MICU1: variants seen among roughly 807,000 people sequenced by gnomAD.
The protein encoded by MICU1 is calcium uptake protein 1, mitochondrial.
A neutral mutation model predicts 56.8 loss-of-function variants in MICU1; 45 were observed. The observed-to-expected ratio is 0.79, with a 90% CI of 0.62 to 1.02. MICU1 has a LOEUF of 1.02. MICU1 is among the 50% of genes least tolerant of loss of function. MICU1 has a pLI of 0.00. For missense variants in MICU1, 504 were observed against 587.1 expected (o/e 0.86, Z 1.46); for synonymous variants, 186 against 195.1 (o/e 0.95, Z 0.39).
At chr10:72,398,835 T>C (rs11000286) in intron 10 of MICU1, among the ~76,000 whole-genome samples, 64,769 of 152,012 alleles carry the variant, frequency 0.43, 17,364 homozygotes, top group Non-Finnish European at 0.62. Flanking sequence ...CAGGACCAGA[T>C]GGATTCACAG....
chr10:72,403,397 T>G (rs913189589), intron 10 of MICU1, among the ~76,000 whole-genome samples: 2 of 152,194 alleles, frequency 1.3e-5, no homozygotes, highest in South Asian at 4.1e-4. Flanking sequence ...TTAAATTTTT[T>G]GTAGAGACAA....
chr10:72,525,843 T>C (rs986143157), intron 5 of MICU1, among the ~76,000 whole-genome samples: 3 of 152,164 alleles, frequency 2.0e-5, no homozygotes, highest in African/African-American at 7.2e-5. Context: ...AGGTTACCCA[T>C]CAGTTATGTG....
chr10:72,370,032 A>G (rs1382389336), intron 11 of MICU1, among the ~76,000 whole-genome samples: 1 of 152,038 alleles, frequency 6.6e-6, no homozygotes, highest in Non-Finnish European at 1.5e-5. Context: ...ACCCGCCATC[A>G]TGCCCAGCTA....
At chr10:72,595,985 CTT>C (rs1220444933) in intron 1 of MICU1, among the ~76,000 whole-genome samples, 6 of 119,248 alleles carry the variant, frequency 5.0e-5, no homozygotes, top group Admixed American at 1.7e-4. Context: ...AAATTTTTTT[CTT>C]TTTTTTTTTT....
At chr10:72,555,644 G>A (rs955700692) in intron 3 of MICU1, among the ~76,000 whole-genome samples, 6 of 152,204 alleles carry the variant, frequency 3.9e-5, no homozygotes, top group Admixed American at 3.3e-4. Flanking sequence ...GATGGTTCAA[G>A]AGGAGTTACA....
chr10:72,524,864 A>G, intron 5 of MICU1: 1 of 576,368 alleles, frequency 1.7e-6, no homozygotes, highest in Non-Finnish European at 2.6e-6. Flanking sequence ...ACCTGTAATA[A>G]TATCACTGAA....
At chr10:72,441,071 A>G (rs1449923626) in intron 8 of MICU1, among the ~76,000 whole-genome samples, 1 of 152,206 alleles carries the variant, frequency 6.6e-6, no homozygotes, top group African/African-American at 2.4e-5. Context: ...AAGGATTATA[A>G]ATCATGCTAC....
At chr10:72,456,946 G>GGTGTGTGTGTGTGT (rs71018292) in intron 8 of MICU1, among the ~76,000 whole-genome samples, 88 of 117,790 alleles carry the variant, frequency 7.5e-4, no homozygotes, top group African/African-American at 2.7e-3. Flanking sequence ...ATATTGCCCA[G>GGTGTGTGTGTGTGT]GTGTGTGTGT....
At chr10:72,604,409 G>A (rs1371229761) in intron 1 of MICU1, among the ~76,000 whole-genome samples, 3 of 151,832 alleles carry the variant, frequency 2.0e-5, no homozygotes, top group African/African-American at 7.3e-5. Flanking sequence ...GAGTAGCTGG[G>A]ATTACAGGTA....
chr10:72,476,291 C>T (rs1253080179), intron 7 of MICU1, among the ~76,000 whole-genome samples: 7 of 151,000 alleles, frequency 4.6e-5, no homozygotes, highest in East Asian at 2.0e-4. Flanking sequence ...TGCAATGGCA[C>T]GATCATAGCT....
intron 8 of MICU1, among the ~76,000 whole-genome samples, chr10:72,449,096 C>T (rs1865213378): frequency 1.3e-5 from 2 of 152,128 alleles, no homozygotes; most frequent in African/African-American, 4.8e-5. Context: ...CCATGACCAG[C>T]TAATTTAAAA....
chr10:72,527,521 C>G (rs1868000008), intron 5 of MICU1, among the ~76,000 whole-genome samples: 1 of 152,098 alleles, frequency 6.6e-6, no homozygotes, highest in Non-Finnish European at 1.5e-5. Flanking sequence ...CATCACCACA[C>G]CTGGCAACCT....
At chr10:72,537,090 C>G (rs932754266) in intron 4 of MICU1, among the ~76,000 whole-genome samples, 1 of 152,140 alleles carries the variant, frequency 6.6e-6, no homozygotes. Context: ...CATGGGAGGA[C>G]AACCTGGCAC....
At chr10:72,475,455 G>A (rs1159215939) in intron 7 of MICU1, among the ~76,000 whole-genome samples, 158 bp from the exon 8 acceptor site, 3 of 149,176 alleles carry the variant, frequency 2.0e-5, no homozygotes, top group Admixed American at 6.6e-5. Flanking sequence ...TTGAGACAGA[G>A]TCTCTCTCTG....
intron 8 of MICU1, among the ~76,000 whole-genome samples, chr10:72,458,557 G>A (rs570629791): frequency 6.6e-6 from 1 of 152,240 alleles, no homozygotes; most frequent in Non-Finnish European, 1.5e-5. Context: ...GCAATTTTCT[G>A]GAAGGCTTTC....
At chr10:72,578,417 C>A (rs955156979) in intron 1 of MICU1, among the ~76,000 whole-genome samples, 11 of 120,616 alleles carry the variant, frequency 9.1e-5, no homozygotes, top group Admixed American at 1.7e-4. Flanking sequence ...GCCACCATGC[C>A]TGGCTTTTTT....
chr10:72,578,421 C>CTTTTTT (rs34573464), intron 1 of MICU1, among the ~76,000 whole-genome samples: 1 of 134,708 alleles, frequency 7.4e-6, no homozygotes, highest in Non-Finnish European at 1.6e-5. Flanking sequence ...CCATGCCTGG[C>CTTTTTT]TTTTTTTTTT....
In MICU1 at chr10:72,587,702, T is replaced by C. The variant is rs1841102360; in HGVS notation, c.-1-20908A>G. ...GGGTGTCTGAGGCATGAGAATGGCT[T>C]GAGCCTGGGAGGCGGAGGTTGCAGT... On this transcript the variant is annotated intron_variant, in intron 1 of 11. Coordinates refer to ENST00000361114, the MANE Select transcript of MICU1 (RefSeq NM_001195518.2). Among the ~76,000 whole-genome samples the C allele has an allele frequency of 2.6e-5, 4 of 151,956 alleles. No individual in the cohort carries two copies. The South Asian group carries it at 8.3e-4, about 32-fold the overall frequency.
chr10:72,476,091 G>A (rs1589258297), intron 7 of MICU1, among the ~76,000 whole-genome samples: 1 of 151,924 alleles, frequency 6.6e-6, no homozygotes, highest in Non-Finnish European at 1.5e-5. Context: ...GCCGGGTGTG[G>A]TGGTGGGTGC....
Sources: allele counts gnomAD v4.1 joint callset (sites outside exome capture counted in the v4.1 genomes callset), GRCh38; gene constraint gnomAD v4.1.1; transcripts MANE v1.5; gene names NCBI Gene and HGNC (gene_info 2026-07-23, HGNC 2026-07-21).